The following PDZD8 variants were observed in gnomAD, a reference collection of about 807,000 sequenced individuals.
PDZD8 encodes the protein PDZ domain-containing protein 8.
PDZD8 carries 14 observed loss-of-function variants against 85.8 expected under a neutral mutation model. The ratio of observed to expected loss-of-function variants is 0.16; its 90% CI spans 0.11 to 0.26. The LOEUF is 0.26. Among genes scored for constraint, PDZD8 ranks in the 10% least tolerant of loss-of-function variants. The probability of loss-of-function intolerance (pLI) is 1.00; values close to 1 mark genes in which losing one functional copy is unlikely to be tolerated. For missense variants in PDZD8, 1,197 were observed against 1,424.3 expected, an observed-to-expected ratio of 0.84 and a Z score of 2.57; for synonymous variants, 592 against 568.6, an observed-to-expected ratio of 1.04 and a Z score of -0.59.
chr10:117,305,284 T>C (rs1843915672), intron 3 of PDZD8, among the ~76,000 whole-genome samples: 1 of 151,880 alleles, frequency 6.6e-6, no homozygotes, highest in South Asian at 2.1e-4. Flanking sequence ...TGGTAGTGCG[T>C]GCCAGTAATC....
intron 2 of PDZD8, among the ~76,000 whole-genome samples, chr10:117,325,376 T>G: frequency 6.9e-6 from 1 of 144,282 alleles, no homozygotes; most frequent in East Asian, 2.1e-4. Context: ...TATTTGAGAT[T>G]ACCTATCAAA....
At chr10:117,361,605 T>G (rs1009579830) in intron 1 of PDZD8, among the ~76,000 whole-genome samples, 5 of 152,204 alleles carry the variant, frequency 3.3e-5, no homozygotes, top group Non-Finnish European at 7.4e-5. Context: ...AAATCTGGTC[T>G]TCTTTAGCTA....
At chr10:117,372,590 C>T (rs779901685) in intron 1 of PDZD8, among the ~76,000 whole-genome samples, 1 of 152,128 alleles carries the variant, frequency 6.6e-6, no homozygotes, top group Non-Finnish European at 1.5e-5. Flanking sequence ...CAACACACTG[C>T]TATAAATAAA....
In PDZD8 at chr10:117,364,293, T is replaced by C. The variant is rs147215040; in HGVS notation, c.872+10063A>G. ...TGATTTCACAATAGTATGGGTTACATGTCATCAGCCTGTGTTTATAATGAC... is the reference window on the plus strand; with the variant it reads ...TGATTTCACAATAGTATGGGTTACACGTCATCAGCCTGTGTTTATAATGAC... On this transcript the variant is annotated intron_variant, in intron 1 of 4. Coordinates refer to ENST00000334464, the MANE Select transcript of PDZD8 (RefSeq NM_173791.5). Among the ~76,000 whole-genome samples the C allele has an allele frequency of 7.5e-3, 1,148 of 152,214 alleles. 7 individuals carry two copies. Among genetic ancestry groups the C allele is most frequent in the South Asian group, 0.022 (106 of 4,816 alleles).
Position 117,284,742 on chromosome 10 carries a change from T to C in PDZD8, c.1991A>G (p.Glu664Gly). The C allele has an allele frequency of 6.2e-7, 1 of 1,614,262 alleles. No individual in the cohort carries two copies. Among genetic ancestry groups the C allele is most frequent in the Non-Finnish European group, 8.5e-7 (1 of 1,180,038 alleles). ...KQEVAKDVTSETSCPTKDSSD... is the reference protein window; with the variant it reads ...KQEVAKDVTSGTSCPTKDSSD... ...ACTGTCCTTAGTAGGGCAGGAAGTT[T>C]CTGAAGTGACATCTTTGGCCACTTC... The change falls in exon 5 of 5, where the codon GAA (glutamate) becomes GGA (glycine). Residue 664 changes from glutamate to glycine, a missense_variant. Glu to Gly is a moderately conservative substitution (Grantham distance 98, BLOSUM62 -2). Around this residue, in one of 4 missense-constraint regions of PDZD8, gnomAD observed 263 missense variants for 261.9 expected, o/e 1.00. Coordinates refer to ENST00000334464, the MANE Select transcript of PDZD8 (RefSeq NM_173791.5).
chr10:117,296,963 T>C (rs955712094), intron 3 of PDZD8, among the ~76,000 whole-genome samples: 2 of 152,088 alleles, frequency 1.3e-5, no homozygotes, highest in Non-Finnish European at 2.9e-5. Context: ...TAATGACTTT[T>C]GCTCTTTGAA....
intron 3 of PDZD8, among the ~76,000 whole-genome samples, chr10:117,315,601 A>AAAC (rs1564697027): frequency 7.3e-6 from 1 of 136,804 alleles, no homozygotes; most frequent in African/African-American, 2.7e-5. Context: ...AAAAAAAAAA[A>AAAC]AAAAAAAAAA....
intron 3 of PDZD8, among the ~76,000 whole-genome samples, chr10:117,301,713 G>T (rs887687682): frequency 6.6e-6 from 1 of 152,048 alleles, no homozygotes; most frequent in Non-Finnish European, 1.5e-5. Flanking sequence ...GAAGATCTAG[G>T]GCTAAATTTC....
intron 3 of PDZD8, among the ~76,000 whole-genome samples, chr10:117,296,225 T>G (rs1843757323): frequency 6.6e-6 from 1 of 151,900 alleles, no homozygotes; most frequent in Non-Finnish European, 1.5e-5. Context: ...GAATTATAAT[T>G]AGAAAAATTA....
intron 3 of PDZD8, among the ~76,000 whole-genome samples, chr10:117,293,499 A>G (rs1263280951): frequency 6.6e-6 from 1 of 152,102 alleles, no homozygotes. Flanking sequence ...AAAATTTCCA[A>G]TATATACAAA....
intron 4 of PDZD8, among the ~76,000 whole-genome samples, chr10:117,288,944 A>G (rs1444640544): frequency 3.3e-5 from 5 of 152,100 alleles, no homozygotes; most frequent in Non-Finnish European, 7.4e-5. Context: ...TTGAAACACA[A>G]CCCCCAAAAA....
At chr10:117,340,918 T>C in intron 2 of PDZD8, 62 bp downstream of exon 2, 2 of 1,568,406 alleles carry the variant, frequency 1.3e-6, no homozygotes, top group African/African-American at 1.4e-5. Context: ...AAATACTGCT[T>C]AGGAATATTT....
At chr10:117,294,327 CAAAAAAAAA>C (rs71013656) in intron 3 of PDZD8, among the ~76,000 whole-genome samples, 15 of 142,632 alleles carry the variant, frequency 1.1e-4, no homozygotes, top group African/African-American at 3.5e-4. Flanking sequence ...ACCAAAAAGA[CAAAAAAAAA>C]AAAAAAAAAC....
intron 4 of PDZD8, among the ~76,000 whole-genome samples, chr10:117,286,693 T>G (rs902205846): frequency 6.6e-6 from 1 of 152,236 alleles, no homozygotes; most frequent in Non-Finnish European, 1.5e-5. Flanking sequence ...TCCTCTTTTC[T>G]TCTCATGGTC....
At chr10:117,297,391 A>G (rs1023910686) in intron 3 of PDZD8, among the ~76,000 whole-genome samples, 1 of 152,152 alleles carries the variant, frequency 6.6e-6, no homozygotes, top group Non-Finnish European at 1.5e-5. Context: ...AGGACCCAGC[A>G]ATCCTACTTT....
intron 1 of PDZD8, among the ~76,000 whole-genome samples, chr10:117,369,900 A>G (rs984684968): frequency 6.6e-6 from 1 of 152,204 alleles, no homozygotes; most frequent in African/African-American, 2.4e-5. Flanking sequence ...TGCAAACTGA[A>G]TCTGCTTGTC....
intron 1 of PDZD8, among the ~76,000 whole-genome samples, chr10:117,366,041 G>GA (rs538460613): frequency 1.2e-4 from 18 of 146,536 alleles, no homozygotes; most frequent in Non-Finnish European, 1.8e-4. Context: ...ATCTTAAGAG[G>GA]AAAAAAAAAA....
At position 117,279,738 on chromosome 10, in the gene PDZD8, C is replaced by A. The variant is rs1414602871; in HGVS notation, c.*3530G>T. On this transcript the variant is annotated 3_prime_UTR_variant, in exon 5 of 5. Transcript: ENST00000334464. ...CTGATGAAAACAGCTGTAATATCCA[C>A]CCATTTGACTTAATCCCGGGGGAGT... is the stretch of plus-strand genomic sequence containing the variant. The A allele has an allele frequency of 1.3e-5, 2 of 152,134 alleles. No individual in the cohort carries two copies. The highest frequency in any genetic ancestry group is 3.9e-4 in the East Asian group (2 of 5,192). The allele number at this position is 152,134 out of a possible 1,614,324, so 9.4% of individuals were successfully genotyped here.
chr10:117,330,254 C>A (rs149141868), intron 2 of PDZD8, among the ~76,000 whole-genome samples: 1 of 152,016 alleles, frequency 6.6e-6, no homozygotes, highest in Admixed American at 6.6e-5. Context: ...TCAATTTTCA[C>A]GACTTCCAAA....
Sources: allele counts gnomAD v4.1 joint callset (sites outside exome capture counted in the v4.1 genomes callset), GRCh38; gene constraint gnomAD v4.1.1; regional missense constraint gnomAD v4.1.1; transcripts MANE v1.5; gene names NCBI Gene and HGNC (gene_info 2026-07-23, HGNC 2026-07-21).